The following ADGRL3 variants were observed in gnomAD, a reference collection of about 807,000 sequenced individuals.
The protein encoded by ADGRL3 is calcium-independent alpha-latrotoxin receptor 3.
A neutral mutation model predicts 153.5 loss-of-function variants in ADGRL3; 62 were observed. The observed-to-expected ratio is 0.40, with a 90% confidence interval of 0.33 to 0.50. ADGRL3 has a LOEUF of 0.50. Among genes scored for constraint, ADGRL3 ranks in the 20% least tolerant of loss-of-function variants. The probability of loss-of-function intolerance (pLI) is 0.47; values close to 1 mark genes in which losing one functional copy is unlikely to be tolerated. For missense variants in ADGRL3, 1,641 were observed against 1,859.4 expected, an observed-to-expected ratio of 0.88 and a Z score of 2.16; for synonymous variants, 710 against 672.5, an observed-to-expected ratio of 1.06 and a Z score of -0.86.
intron 8 of ADGRL3, among the ~76,000 whole-genome samples, chr4:61,746,206 G>C (rs1294414579): frequency 6.6e-6 from 1 of 152,064 alleles, no homozygotes; most frequent in Non-Finnish European, 1.5e-5. Context: ...GACTCATAAA[G>C]CAAGTCCTGA....
intron 12 of ADGRL3, among the ~76,000 whole-genome samples, chr4:61,910,890 AG>A (rs903652699): frequency 4.8e-5 from 1 of 20,762 alleles, no homozygotes; most frequent in Admixed American, 8.8e-4. Flanking sequence ...TCTGGCAAAC[AG>A]TTTTTTTTTT....
rs1298369806 is a variant in ADGRL3, at chr4:62,077,057, T to C, written c.*6149T>C. The C allele has an allele frequency of 6.6e-6, 1 of 151,974 alleles. No individual in the cohort carries two copies. Among genetic ancestry groups the C allele is most frequent in the Non-Finnish European group, 1.5e-5 (1 of 67,888 alleles). The allele number at this position is 151,974 out of a possible 1,614,324, so 9.4% of individuals were successfully genotyped here. On this transcript the variant is annotated 3_prime_UTR_variant, in exon 27 of 27. Coordinates refer to ENST00000683033, the MANE Select transcript of ADGRL3 (RefSeq NM_001387552.1). Reference sequence around the variant, plus strand: ...TCAAGTTCTCTGCCTTTAATTATTATAGTCAATTCATAAAATTCTACATAC... The same window carrying C: ...TCAAGTTCTCTGCCTTTAATTATTACAGTCAATTCATAAAATTCTACATAC...
intron 4 of ADGRL3, among the ~76,000 whole-genome samples, chr4:61,573,236 G>T (rs1040070486): frequency 6.6e-6 from 1 of 151,820 alleles, no homozygotes; most frequent in African/African-American, 2.4e-5. Flanking sequence ...ATATAATTTT[G>T]AATATTCTGG....
At chr4:61,388,023 G>T (rs140915588) in intron 2 of ADGRL3, among the ~76,000 whole-genome samples, 7 of 152,020 alleles carry the variant, frequency 4.6e-5, no homozygotes, top group African/African-American at 1.2e-4. Flanking sequence ...TGGTTTCAGC[G>T]GGTCCCTCCA....
chr4:61,667,462 A>T (rs2094839490), intron 5 of ADGRL3, among the ~76,000 whole-genome samples: 1 of 152,158 alleles, frequency 6.6e-6, no homozygotes, highest in Non-Finnish European at 1.5e-5. Flanking sequence ...GAATAAAATG[A>T]TTTATTTCAG....
At chr4:61,917,619 TTCTG>T (rs1000313526) in intron 13 of ADGRL3, among the ~76,000 whole-genome samples, 2 of 149,366 alleles carry the variant, frequency 1.3e-5, no homozygotes, top group Admixed American at 6.6e-5. Flanking sequence ...ACATGTGATT[TTCTG>T]TCTTTCTTAT....
chr4:61,577,552 T>A (rs1300630028), intron 4 of ADGRL3, among the ~76,000 whole-genome samples: 1 of 152,026 alleles, frequency 6.6e-6, no homozygotes, highest in Non-Finnish European at 1.5e-5. Context: ...GGCTTGCCCC[T>A]GTAATCTTAG....
intron 16 of ADGRL3, among the ~76,000 whole-genome samples, chr4:61,947,751 A>T (rs910136947): frequency 5.3e-5 from 8 of 152,214 alleles, no homozygotes; most frequent in Non-Finnish European, 1.0e-4. Flanking sequence ...TGTAAATTCA[A>T]CAAAGATTTC....
intron 4 of ADGRL3, among the ~76,000 whole-genome samples, chr4:61,585,376 CA>C (rs144179760): frequency 0.031 from 4,776 of 151,984 alleles, 224 homozygotes; most frequent in African/African-American, 0.11. Context: ...TTTCATAAAC[CA>C]AATCAATATT....
chr4:61,898,526 G>T (rs1366798401), intron 11 of ADGRL3, among the ~76,000 whole-genome samples: 1 of 152,010 alleles, frequency 6.6e-6, no homozygotes, highest in Non-Finnish European at 1.5e-5. Flanking sequence ...TGAGGAGATG[G>T]TGTCTGATTT....
intron 15 of ADGRL3, among the ~76,000 whole-genome samples, chr4:61,938,623 CTG>C (rs1165774729): frequency 6.6e-6 from 1 of 152,148 alleles, no homozygotes; most frequent in African/African-American, 2.4e-5. Flanking sequence ...GTTGCAGTAA[CTG>C]TGCTGCCGCT....
At chr4:61,798,457 C>T (rs993096103) in intron 8 of ADGRL3, among the ~76,000 whole-genome samples, 5 of 152,052 alleles carry the variant, frequency 3.3e-5, no homozygotes, top group African/African-American at 1.2e-4. Flanking sequence ...GACTGACTGC[C>T]ATTAAATGCA....
At chr4:61,525,150 GA>G (rs1462173162) in intron 4 of ADGRL3, among the ~76,000 whole-genome samples, 1 of 151,772 alleles carries the variant, frequency 6.6e-6, no homozygotes, top group Non-Finnish European at 1.5e-5. Flanking sequence ...ATATTTTAAA[GA>G]AGGAAATGAC....
intron 5 of ADGRL3, among the ~76,000 whole-genome samples, chr4:61,651,464 A>C (rs2094246282): frequency 6.6e-6 from 1 of 152,200 alleles, no homozygotes; most frequent in African/African-American, 2.4e-5. Context: ...AGTTTTGAAA[A>C]TATATCCCAA....
At chr4:61,836,744 A>C (rs2097941797) in intron 9 of ADGRL3, among the ~76,000 whole-genome samples, 1 of 152,060 alleles carries the variant, frequency 6.6e-6, no homozygotes, top group African/African-American at 2.4e-5. Flanking sequence ...TGAACGTTTT[A>C]TATGTTCTTG....
intron 2 of ADGRL3, among the ~76,000 whole-genome samples, chr4:61,458,103 T>A (rs956614809): frequency 2.0e-5 from 3 of 151,830 alleles, no homozygotes; most frequent in Admixed American, 6.6e-5. Flanking sequence ...AGATTGTATA[T>A]AAAAGTGTTC....
At chr4:61,987,412 T>A (rs1368309214) in intron 19 of ADGRL3, among the ~76,000 whole-genome samples, 1 of 152,048 alleles carries the variant, frequency 6.6e-6, no homozygotes, top group Non-Finnish European at 1.5e-5. Flanking sequence ...CAACCTCAGG[T>A]GATCTGCCAG....
At chr4:61,424,250 T>C (rs1212495782) in intron 2 of ADGRL3, among the ~76,000 whole-genome samples, 3 of 152,100 alleles carry the variant, frequency 2.0e-5, no homozygotes, top group Admixed American at 6.5e-5. Flanking sequence ...ATGCATGGGA[T>C]TGTGCACCTG....
intron 9 of ADGRL3, among the ~76,000 whole-genome samples, chr4:61,871,139 G>A (rs758412271): frequency 9.9e-5 from 15 of 152,182 alleles, no homozygotes; most frequent in Non-Finnish European, 2.2e-4. Context: ...TTAGCCAGGT[G>A]TGGTGGCGAG....
Sources: allele counts gnomAD v4.1 joint callset (sites outside exome capture counted in the v4.1 genomes callset), GRCh38; gene constraint gnomAD v4.1.1; transcripts MANE v1.5; gene names NCBI Gene and HGNC (gene_info 2026-07-23, HGNC 2026-07-21).